Variants in MYOD1 observed in about 807,000 individuals in gnomAD.
The protein encoded by MYOD1 is myoblast determination protein 1.
MYOD1 carries 15 observed loss-of-function variants against 14.9 expected under a neutral mutation model. That is an observed-to-expected ratio of 1.01 (90% CI 0.67 to 1.55). MYOD1 has a LOEUF of 1.55. Ranked by LOEUF, MYOD1 falls within the 40% of genes most tolerant of loss-of-function variation. MYOD1 has a pLI of 0.00. For missense variants in MYOD1, 529 were observed against 482.6 expected (o/e 1.10, Z -0.90); for synonymous variants, 235 against 218.6 (o/e 1.07, Z -0.66).
Position 17,719,799 on chromosome 11 carries a change from C to T in MYOD1, c.17C>T (p.Pro6Leu). MELLS[P>L]PLRDVDLTAP... ...CGCCAGGATATGGAGCTACTGTCGC[C>T]ACCGCTCCGCGACGTAGACCTGACG... Residue 6 changes from proline to leucine, a missense_variant, in exon 1 of 3, where the codon CCA becomes CTA. Pro to Leu is a moderately conservative substitution (Grantham distance 98, BLOSUM62 -3). Coordinates refer to ENST00000250003, the MANE Select transcript of MYOD1 (RefSeq NM_002478.5). 1.9e-6 allele frequency: 3 copies of T among 1,613,050 alleles called. No individual in the cohort carries two copies. The highest frequency in any genetic ancestry group is 2.5e-6 in the Non-Finnish European group (3 of 1,179,806).
In MYOD1 at chr11:17,720,589, G is replaced by A. The variant is rs537754535; in HGVS notation, c.630+177G>A. Among the ~76,000 whole-genome samples the A allele has an allele frequency of 3.3e-5, 5 of 152,310 alleles. No homozygotes were observed. The South Asian group carries it at 1.0e-3, about 32-fold the overall frequency. ...GGGGTAGCCTGTTTTGGAAGTGTGC[G>A]GGCAAGCGTTCGAGCTGCCCCATTG... is the stretch of plus-strand genomic sequence containing the variant. On this transcript the variant is annotated intron_variant, in intron 1 of 2. Transcript: ENST00000250003.
chr11:17,721,530 G>C lies in MYOD1; in HGVS notation c.*22G>C. ...CTGAGGGGATGGTGGCCGCCCACCC[G>C]CCCGAGGGATGGTGCCCCTAGGGTC... On this transcript the variant is annotated 3_prime_UTR_variant, in exon 3 of 3. Coordinates refer to ENST00000250003, the MANE Select transcript of MYOD1 (RefSeq NM_002478.5). The surrounding 1 kb of genome is among the most constrained non-coding windows in gnomAD (Gnocchi z 6.2). 1 of 1,497,584 alleles carries C rather than the reference G, an allele frequency of 6.7e-7. No homozygotes were observed. Among genetic ancestry groups the C allele is most frequent in the South Asian group, 1.3e-5 (1 of 75,466 alleles). 92.8% of individuals were successfully genotyped at this position (1,497,584 alleles called of 1,614,324 possible).
In MYOD1 at chr11:17,721,155, A is replaced by G. The variant is rs968580218; in HGVS notation, c.710-100A>G. 20 of 1,435,704 alleles carry G rather than the reference A, an allele frequency of 1.4e-5. No homozygotes were observed. The highest frequency in any genetic ancestry group is 1.7e-5 in the Non-Finnish European group (18 of 1,090,828). The allele number at this position is 1,435,704 out of a possible 1,614,324, so 88.9% of individuals were successfully genotyped here. A position where few individuals can be genotyped will look rare whatever the true frequency, so the allele number is the denominator to read the frequency against. On this transcript the variant is annotated intron_variant, in intron 2 of 2. Coordinates refer to ENST00000250003, the MANE Select transcript of MYOD1 (RefSeq NM_002478.5). This position sits in a 1 kb window ranked among gnomAD's most constrained non-coding sequence, Gnocchi z 6.2. Reference sequence around the variant, plus strand: ...TTTTGGATTGTCCCGGACTCTAACTAAAGTCCTCAGTTTCCAATCTGTCTC... The same window carrying G: ...TTTTGGATTGTCCCGGACTCTAACTGAAGTCCTCAGTTTCCAATCTGTCTC...
Position 17,720,429 on chromosome 11 carries a change from A to G in MYOD1, c.630+17A>G. 2.6e-6 allele frequency: 4 copies of G among 1,528,250 alleles called. No homozygotes were observed. Among genetic ancestry groups the G allele is most frequent in the Admixed American group, 2.3e-5 (1 of 42,626 alleles). The allele number at this position is 1,528,250 out of a possible 1,614,324, so 94.7% of individuals were successfully genotyped here. A position where few individuals can be genotyped will look rare whatever the true frequency, so the allele number is the denominator to read the frequency against. On this transcript the variant is annotated intron_variant, in intron 1 of 2. Transcript: ENST00000250003. ...GACGGCATGGTAAGGCCGGGACCCC[A>G]GGAAGTGAGGAAGTTAGGGCGGCGC... is the stretch of plus-strand genomic sequence containing the variant.
In MYOD1 at chr11:17,720,152, A is replaced by C; in HGVS notation, c.370A>C (p.Lys124Gln). The C allele has an allele frequency of 6.2e-7, 1 of 1,603,726 alleles. No homozygotes were observed. Among genetic ancestry groups the C allele is most frequent in the Non-Finnish European group, 8.5e-7 (1 of 1,176,344 alleles). Reference protein sequence around the residue: ...ATMRERRRLSKVNEAFETLKR... With the variant: ...ATMRERRRLSQVNEAFETLKR... ...CATGCGCGAGCGGCGCCGCCTGAGC[A>C]AAGTAAATGAGGCCTTTGAGACACT... Residue 124 changes from lysine (K) to glutamine (Q), a missense_variant, in exon 1 of 3, where the codon AAA becomes CAA. By Grantham distance (53) the Lys-to-Gln change is moderately conservative. Coordinates refer to ENST00000250003, the MANE Select transcript of MYOD1 (RefSeq NM_002478.5).
At position 17,721,664 on chromosome 11, in the gene MYOD1, C is replaced by T; in HGVS notation, c.*156C>T. On this transcript the variant is annotated 3_prime_UTR_variant, in exon 3 of 3. Coordinates refer to ENST00000250003, the MANE Select transcript of MYOD1 (RefSeq NM_002478.5). The surrounding 1 kb of genome is among the most constrained non-coding windows in gnomAD (Gnocchi z 6.2). Reference sequence around the variant, plus strand: ...AGAACTGAAGTTTCCGCCCCCGCCCCACAGGGCAAGGACACAGCGCGGTTT... The same window carrying T: ...AGAACTGAAGTTTCCGCCCCCGCCCTACAGGGCAAGGACACAGCGCGGTTT... 2.3e-6 allele frequency: 2 copies of T among 885,602 alleles called. No homozygotes were observed. The highest frequency in any genetic ancestry group is 3.2e-6 in the Non-Finnish European group (2 of 625,226). 54.9% of individuals were successfully genotyped at this position (885,602 alleles called of 1,614,324 possible).
Position 17,719,762 on chromosome 11 carries a change from G to A in MYOD1, c.-21G>A, listed in dbSNP as rs1848617239. 1 of 1,602,612 alleles carries A rather than the reference G, an allele frequency of 6.2e-7. No individual in the cohort carries two copies. ...GCTTGGGTTGGGCGAAGCCAGGACC[G>A]TGCCGCGCCACCGCCAGGATATGGA... On this transcript the variant is annotated 5_prime_UTR_variant, in exon 1 of 3. It adds an upstream start codon to the 5' untranslated region. Coordinates refer to ENST00000250003, the MANE Select transcript of MYOD1 (RefSeq NM_002478.5).
rs781669608 is a variant in MYOD1, at chr11:17,719,887, C to T, written c.105C>T (p.Phe35=). The part of the protein sequence containing the change: ...TTDDFYDDPC[F]DSPDLRFFED... ...ACGACTTCTATGACGACCCGTGTTTCGACTCCCCGGACCTGCGCTTCTTCG... is the reference window on the plus strand; with the variant it reads ...ACGACTTCTATGACGACCCGTGTTTTGACTCCCCGGACCTGCGCTTCTTCG... The change falls in exon 1 of 3, where the codon TTC becomes TTT. Residue 35 remains phenylalanine (F), a synonymous_variant. Transcript: ENST00000250003. The T allele has an allele frequency of 1.2e-6, 2 of 1,613,940 alleles. No homozygotes were observed. Among genetic ancestry groups the T allele is most frequent in the East Asian group, 2.2e-5 (1 of 44,850 alleles).
Position 17,721,173 on chromosome 11 carries a change from T to G in MYOD1, c.710-82T>G. The G allele has an allele frequency of 6.9e-7, 1 of 1,442,124 alleles. No individual in the cohort carries two copies. Among genetic ancestry groups the G allele is most frequent in the Non-Finnish European group, 9.1e-7 (1 of 1,096,718 alleles). 89.3% of individuals were successfully genotyped at this position (1,442,124 alleles called of 1,614,324 possible). On this transcript the variant is annotated intron_variant, in intron 2 of 2. Coordinates refer to ENST00000250003, the MANE Select transcript of MYOD1 (RefSeq NM_002478.5). This position sits in a 1 kb window ranked among gnomAD's most constrained non-coding sequence, Gnocchi z 6.2. ...TCTAACTAAAGTCCTCAGTTTCCAA[T>G]CTGTCTCAAAGTACTGGGCCCGGGG...
Position 17,719,967 on chromosome 11 carries a change from A to G in MYOD1, c.185A>G (p.His62Arg), listed in dbSNP as rs370665547. Residue 62 changes from histidine (H) to arginine (R), a missense_variant, in exon 1 of 3, where the codon CAC becomes CGC. Physicochemically the swap from His to Arg is conservative, Grantham distance 29. Coordinates refer to ENST00000250003, the MANE Select transcript of MYOD1 (RefSeq NM_002478.5). ...HVGALLKPEE[H>R]SHFPAAVHPA... is the part of the protein sequence containing the mutation. ...GGCGCGCTCCTGAAACCCGAAGAGC[A>G]CTCGCACTTCCCCGCGGCGGTGCAC... 1 of 1,612,888 alleles carries G rather than the reference A, an allele frequency of 6.2e-7. No homozygotes were observed.
Position 17,721,094 on chromosome 11 carries a change from G to T in MYOD1, c.709+114G>T. On this transcript the variant is annotated intron_variant, in intron 2 of 2. Transcript: ENST00000250003. The surrounding 1 kb of genome is among the most constrained non-coding windows in gnomAD (Gnocchi z 6.2). ...ACACGCCTATGTCCTGGGAAGTGGT[G>T]CAGGAGATGAAATACTAAGCAAGTA... 1 of 1,411,500 alleles carries T rather than the reference G, an allele frequency of 7.1e-7. No individual in the cohort carries two copies. Among genetic ancestry groups the T allele is most frequent in the Non-Finnish European group, 9.4e-7 (1 of 1,064,608 alleles). 87.4% of individuals were successfully genotyped at this position (1,411,500 alleles called of 1,614,324 possible).
At position 17,720,501 on chromosome 11, in the gene MYOD1, G is replaced by A. The variant is rs962188052; in HGVS notation, c.630+89G>A. Reference sequence around the variant, plus strand: ...TCCGAGGGCGGGGAGCTGGCCTTGCGGGAGGTTTGGGCCAGGATCCTTCCC... The same window carrying A: ...TCCGAGGGCGGGGAGCTGGCCTTGCAGGAGGTTTGGGCCAGGATCCTTCCC... On this transcript the variant is annotated intron_variant, in intron 1 of 2. Transcript: ENST00000250003. 56 of 1,424,502 alleles carry A rather than the reference G, an allele frequency of 3.9e-5. No individual in the cohort carries two copies. The African/African-American group carries it at 7.2e-4, about 18-fold the overall frequency. 88.2% of individuals were successfully genotyped at this position (1,424,502 alleles called of 1,614,324 possible). A position where few individuals can be genotyped will look rare whatever the true frequency, so the allele number is the denominator to read the frequency against.
chr11:17,721,686 G>T lies in MYOD1; in HGVS notation c.*178G>T. 1 of 677,844 alleles carries T rather than the reference G, an allele frequency of 1.5e-6. No homozygotes were observed. Among genetic ancestry groups the T allele is most frequent in the Non-Finnish European group, 2.2e-6 (1 of 446,212 alleles). The allele number at this position is 677,844 out of a possible 1,614,324, so 42.0% of individuals were successfully genotyped here. A position where few individuals can be genotyped will look rare whatever the true frequency, so the allele number is the denominator to read the frequency against. ...CCCCACAGGGCAAGGACACAGCGCG[G>T]TTTTTTCCACGCAGCACCCTTCTCG... On this transcript the variant is annotated 3_prime_UTR_variant, in exon 3 of 3. Coordinates refer to ENST00000250003, the MANE Select transcript of MYOD1 (RefSeq NM_002478.5). The surrounding 1 kb of genome is among the most constrained non-coding windows in gnomAD (Gnocchi z 6.2).
chr11:17,721,242 C>G lies in MYOD1; in HGVS notation c.710-13C>G. The G allele has an allele frequency of 1.3e-6, 2 of 1,527,724 alleles. No homozygotes were observed. The highest frequency in any genetic ancestry group is 1.8e-6 in the Non-Finnish European group (2 of 1,139,230). 94.6% of individuals were successfully genotyped at this position (1,527,724 alleles called of 1,614,324 possible). On this transcript the variant is annotated splice_polypyrimidine_tract_variant and intron_variant, in intron 2 of 2. Transcript: ENST00000250003. This position sits in a 1 kb window ranked among gnomAD's most constrained non-coding sequence, Gnocchi z 6.2. ...CCCCACCCCTGCTTACTAACCGAGCCCTCCCCGCGCAGAACCCAGGCCCGG... is the reference window on the plus strand; with the variant it reads ...CCCCACCCCTGCTTACTAACCGAGCGCTCCCCGCGCAGAACCCAGGCCCGG...
intron 1 of MYOD1, 88 bp downstream of exon 1, chr11:17,720,500 C>T: frequency 1.4e-6 from 2 of 1,429,450 alleles, no homozygotes; most frequent in Non-Finnish European, 9.1e-7. Context: ...GCTGGCCTTG[C>T]GGGAGGTTTG....
rs141519188 is a variant in MYOD1, at chr11:17,720,421, G to A, written c.630+9G>A. The A allele has an allele frequency of 2.6e-6, 4 of 1,550,456 alleles. No individual in the cohort carries two copies. The highest frequency in any genetic ancestry group is 1.4e-5 in the African/African-American group (1 of 69,728). ...ACTGCTCCGACGGCATGGTAAGGCC[G>A]GGACCCCAGGAAGTGAGGAAGTTAG... On this transcript the variant is annotated intron_variant, in intron 1 of 2. Transcript: ENST00000250003.
In MYOD1 at chr11:17,720,120, C is replaced by T; in HGVS notation, c.338C>T (p.Ala113Val). The T allele has an allele frequency of 6.3e-7, 1 of 1,590,060 alleles. No homozygotes were observed. The highest frequency in any genetic ancestry group is 8.6e-7 in the Non-Finnish European group (1 of 1,169,058). ...RKTTNADRRK[A>V]ATMRERRRLS... ...ACCACCAACGCCGACCGCCGCAAGGCCGCCACCATGCGCGAGCGGCGCCGC... is the reference window on the plus strand; with the variant it reads ...ACCACCAACGCCGACCGCCGCAAGGTCGCCACCATGCGCGAGCGGCGCCGC... The change falls in exon 1 of 3, where the codon GCC (alanine) becomes GTC (valine). Residue 113 changes from alanine to valine, a missense_variant. Ala to Val is a moderately conservative substitution (Grantham distance 64, BLOSUM62 0). Transcript: ENST00000250003.
Position 17,721,912 on chromosome 11 carries a change from C to A in MYOD1, c.*404C>A. 3.7e-6 allele frequency: 1 copy of A among 267,084 alleles called. No homozygotes were observed. The highest frequency in any genetic ancestry group is 7.0e-6 in the Non-Finnish European group (1 of 141,994). The allele number at this position is 267,084 out of a possible 1,614,324, so 16.5% of individuals were successfully genotyped here. ...CCAAATGTAGCAGGTGTAACCGTAA[C>A]CCACCCCCAACCCGTTTCCCGGTTC... is the stretch of plus-strand genomic sequence containing the variant. On this transcript the variant is annotated 3_prime_UTR_variant, in exon 3 of 3. Transcript: ENST00000250003. This position sits in a 1 kb window ranked among gnomAD's most constrained non-coding sequence, Gnocchi z 6.2.
Position 17,720,826 on chromosome 11 carries a change from G to T in MYOD1, c.631-76G>T, listed in dbSNP as rs1328215285. The T allele has an allele frequency of 4.1e-6, 6 of 1,476,432 alleles. No individual in the cohort carries two copies. The African/African-American group carries it at 8.4e-5, about 21-fold the overall frequency. The allele number at this position is 1,476,432 out of a possible 1,614,324, so 91.5% of individuals were successfully genotyped here. A position where few individuals can be genotyped will look rare whatever the true frequency, so the allele number is the denominator to read the frequency against. ...AGAGCCTTAGGCTAGAGTTAGGGAG[G>T]GGGCGGCTACAGGAATTGGTGTTCG... On this transcript the variant is annotated intron_variant, in intron 1 of 2. Coordinates refer to ENST00000250003, the MANE Select transcript of MYOD1 (RefSeq NM_002478.5).
Sources: allele counts gnomAD v4.1 joint callset (sites outside exome capture counted in the v4.1 genomes callset), GRCh38; gene constraint gnomAD v4.1.1; non-coding constraint Gnocchi (gnomAD v3.1); transcripts MANE v1.5; gene names NCBI Gene and HGNC (gene_info 2026-07-23, HGNC 2026-07-21).